ANKRD11: variants seen among roughly 807,000 people sequenced by gnomAD.
ANKRD11 encodes the protein ankyrin repeat domain 11.
A neutral mutation model predicts 195.7 loss-of-function variants in ANKRD11; 17 were observed. That is an observed-to-expected ratio of 0.09 (90% confidence interval 0.06 to 0.13). The LOEUF is 0.13. Among genes scored for constraint, ANKRD11 ranks in the 10% least tolerant of loss-of-function variants. The pLI is 1.00. For synonymous variants in ANKRD11, 1,953 were observed against 1,528.1 expected (o/e 1.28, Z -6.49); for missense variants, 3,735 against 3,566.1 (o/e 1.05, Z -1.21).
chr16:89,416,350 A>G (rs1044959135), intron 2 of ANKRD11, among the ~76,000 whole-genome samples: 8 of 151,948 alleles, frequency 5.3e-5, no homozygotes, highest in Admixed American at 2.6e-4. Flanking sequence ...CCCAGGCTCA[A>G]GTGCGGTGTT....
chr16:89,451,027 T>G (rs552261027), intron 1 of ANKRD11, among the ~76,000 whole-genome samples: 1 of 152,264 alleles, frequency 6.6e-6, no homozygotes, highest in South Asian at 2.1e-4. Flanking sequence ...AAAGTTTTAG[T>G]TTTATTGGAA....
chr16:89,347,282 C>T (rs960886473), intron 2 of ANKRD11, among the ~76,000 whole-genome samples: 1 of 152,130 alleles, frequency 6.6e-6, no homozygotes, highest in Non-Finnish European at 1.5e-5. Flanking sequence ...ATGTGTGTAC[C>T]TGTATGTGTG....
chr16:89,279,782 C>T lies in ANKRD11; in HGVS notation c.6760G>A (p.Gly2254Arg), dbSNP rs1003478010. 33 of 1,533,320 alleles carry T rather than the reference C, an allele frequency of 2.2e-5. No homozygotes were observed. The highest frequency in any genetic ancestry group is 3.9e-4 in the Middle Eastern group (2 of 5,118). 95.0% of individuals were successfully genotyped at this position (1,533,320 alleles called of 1,614,324 possible). Reference sequence around the variant, plus strand: ...CCTTCAGCCTCAGCCCCCTGGTCTCCGCTCCCCAGTGGGCGCTGTTCTGGG... The same window carrying T: ...CCTTCAGCCTCAGCCCCCTGGTCTCTGCTCCCCAGTGGGCGCTGTTCTGGG... ...VPPEQRPLGS[G>R]DQGAEAEGPP... Residue 2254 changes from glycine to arginine, a missense_variant, in exon 9 of 13, where the codon GGA becomes AGA. Physicochemically the swap from Gly to Arg is moderately radical, Grantham distance 125 (BLOSUM62 -2). Transcript: ENST00000301030. This position sits in a 1 kb window ranked among gnomAD's most constrained non-coding sequence, Gnocchi z 5.6.
chr16:89,319,382 G>A (rs1433854284), intron 2 of ANKRD11, among the ~76,000 whole-genome samples: 1 of 152,220 alleles, frequency 6.6e-6, no homozygotes, highest in Non-Finnish European at 1.5e-5. Flanking sequence ...GGAGGAAGTG[G>A]GTCGCACCCA....
intron 12 of ANKRD11, among the ~76,000 whole-genome samples, chr16:89,269,491 G>C (rs2032947221): frequency 6.6e-6 from 1 of 152,164 alleles, no homozygotes; most frequent in Admixed American, 6.5e-5. Flanking sequence ...GACATCACCA[G>C]TGTAAATTGT....
intron 2 of ANKRD11, among the ~76,000 whole-genome samples, chr16:89,415,058 C>G (rs138376304): frequency 7.5e-4 from 114 of 152,008 alleles, no homozygotes; most frequent in Admixed American, 1.5e-3. Context: ...GATCCTTCCT[C>G]CCCGCTCAGC....
intron 1 of ANKRD11, among the ~76,000 whole-genome samples, chr16:89,461,180 ACC>A (rs33936253): frequency 0.57 from 33,187 of 58,306 alleles, 10,551 homozygotes; most frequent in Middle Eastern, 0.73. Flanking sequence ...ATATCGTATG[ACC>A]CCCCCCCCCC....
At chr16:89,356,488 A>AG (rs1177286155) in intron 2 of ANKRD11, among the ~76,000 whole-genome samples, 1 of 152,018 alleles carries the variant, frequency 6.6e-6, no homozygotes, top group Non-Finnish European at 1.5e-5. Context: ...AGAATGTAAC[A>AG]GGGCCAGGCG....
intron 2 of ANKRD11, among the ~76,000 whole-genome samples, chr16:89,363,219 G>A (rs186841645): frequency 2.9e-4 from 44 of 152,260 alleles, no homozygotes; most frequent in African/African-American, 1.0e-3. Flanking sequence ...ATCAGAAATA[G>A]GTAAGTTTTC....
At position 89,285,738 on chromosome 16, in the gene ANKRD11, T is replaced by C; in HGVS notation, c.893-89A>G. The C allele has an allele frequency of 6.9e-7, 1 of 1,444,462 alleles. No individual in the cohort carries two copies. Among genetic ancestry groups the C allele is most frequent in the Non-Finnish European group, 9.7e-7 (1 of 1,031,436 alleles). 89.5% of individuals were successfully genotyped at this position (1,444,462 alleles called of 1,614,324 possible). A position where few individuals can be genotyped will look rare whatever the true frequency, so the allele number is the denominator to read the frequency against. Reference sequence around the variant, plus strand: ...AGGAGGGAGGCTCTGCAGATGTGTCTGCGGGAAGGTTCCCACCCTGCCTCT... The same window carrying C: ...AGGAGGGAGGCTCTGCAGATGTGTCCGCGGGAAGGTTCCCACCCTGCCTCT... On this transcript the variant is annotated intron_variant, in intron 8 of 12. Coordinates refer to ENST00000301030, the MANE Select transcript of ANKRD11 (RefSeq NM_013275.6). The surrounding 1 kb of genome is among the most constrained non-coding windows in gnomAD (Gnocchi z 5.6).
At chr16:89,365,447 C>T (rs1343883847) in intron 2 of ANKRD11, among the ~76,000 whole-genome samples, 1 of 152,232 alleles carries the variant, frequency 6.6e-6, no homozygotes, top group Non-Finnish European at 1.5e-5. Context: ...GCAGGGGAGC[C>T]TCCCAGATGA....
intron 1 of ANKRD11, among the ~76,000 whole-genome samples, chr16:89,428,830 C>T (rs2042842851): frequency 6.6e-6 from 1 of 152,076 alleles, no homozygotes; most frequent in African/African-American, 2.4e-5. Flanking sequence ...GGAGGCGGAG[C>T]TTGCAGTAAG....
chr16:89,474,352 C>T (rs190613173), intron 1 of ANKRD11, among the ~76,000 whole-genome samples: 32 of 152,116 alleles, frequency 2.1e-4, no homozygotes, highest in Admixed American at 1.4e-3. Flanking sequence ...CATGGTGACT[C>T]ATGCCTGTAA....
At chr16:89,418,228 T>C in intron 2 of ANKRD11, 56 bp downstream of exon 2, 1 of 448,926 alleles carries the variant, frequency 2.2e-6, no homozygotes, top group Non-Finnish European at 4.5e-6. Flanking sequence ...TTGATACTTA[T>C]TTTTACAAAT....
chr16:89,363,793 T>A (rs770310845), intron 2 of ANKRD11, among the ~76,000 whole-genome samples: 1 of 152,144 alleles, frequency 6.6e-6, no homozygotes, highest in Non-Finnish European at 1.5e-5. Context: ...CGGTGACTCA[T>A]GCCTGGAGCA....
chr16:89,385,508 C>T lies in ANKRD11; in HGVS notation c.-60+32776G>A, dbSNP rs141658348. On this transcript the variant is annotated intron_variant, in intron 2 of 12. Transcript: ENST00000301030. ...CGGGCAGAGGGAAGGGCGCCAGAGA[C>T]ACCGAGACCCTGTGGGTATCCCTGT... Among the ~76,000 whole-genome samples the T allele has an allele frequency of 4.3e-3, 648 of 152,264 alleles. 2 individuals are homozygous for T. Among genetic ancestry groups the T allele is most frequent in the South Asian group, 0.023 (109 of 4,806 alleles).
chr16:89,465,918 G>C (rs1013901519), intron 1 of ANKRD11, among the ~76,000 whole-genome samples: 1 of 152,128 alleles, frequency 6.6e-6, no homozygotes, highest in Non-Finnish European at 1.5e-5. Flanking sequence ...CACCGTGTTA[G>C]CCAGGATGGT....
chr16:89,344,089 C>T (rs996608592), intron 2 of ANKRD11, among the ~76,000 whole-genome samples: 1 of 152,172 alleles, frequency 6.6e-6, no homozygotes, highest in South Asian at 2.1e-4. Context: ...TGCAGGACTT[C>T]CCGGGCCTCA....
Position 89,290,782 on chromosome 16 carries a change from C to T in ANKRD11, c.444G>A (p.Lys148=). 4.3e-6 allele frequency: 7 copies of T among 1,614,094 alleles called. No individual in the cohort carries two copies. Among genetic ancestry groups the T allele is most frequent in the Non-Finnish European group, 5.9e-6 (7 of 1,180,006 alleles). Residue 148 remains lysine (K), a synonymous_variant, in exon 6 of 13, where the codon AAG becomes AAA. Transcript: ENST00000301030. ...TTTTTGAGGCAGAGTTGGGCGTTCCCTTCTGACACACTGTAGACTGGGAGG... is the reference window on the plus strand; with the variant it reads ...TTTTTGAGGCAGAGTTGGGCGTTCCTTTCTGACACACTGTAGACTGGGAGG... ...KHPSQSTVCQ[K]GTPNSASKTK...
Sources: allele counts gnomAD v4.1 joint callset (sites outside exome capture counted in the v4.1 genomes callset), GRCh38; gene constraint gnomAD v4.1.1; non-coding constraint Gnocchi (gnomAD v3.1); transcripts MANE v1.5; gene names NCBI Gene and HGNC (gene_info 2026-07-23, HGNC 2026-07-21).